The following TMEM62 variants were observed in gnomAD, a reference collection of about 807,000 sequenced individuals.
TMEM62 encodes the protein transmembrane protein 62.
TMEM62 carries 41 observed loss-of-function variants against 70.4 expected under a neutral mutation model. That is an observed-to-expected ratio of 0.58 (90% CI 0.45 to 0.76). TMEM62 has a LOEUF of 0.76. Among genes scored for constraint, TMEM62 ranks in the 30% least tolerant of loss-of-function variants. TMEM62 has a pLI of 0.00. For missense variants in TMEM62, 688 were observed against 788.5 expected (o/e 0.87, Z 1.53); for synonymous variants, 268 against 291.0 (o/e 0.92, Z 0.80).
intron 9 of TMEM62, among the ~76,000 whole-genome samples, chr15:43,155,274 A>T (rs1460549513): frequency 1.3e-5 from 2 of 152,018 alleles, no homozygotes; most frequent in African/African-American, 4.8e-5. Flanking sequence ...AGGCTGGAGG[A>T]TCGCTTGAGG....
In TMEM62 at chr15:43,180,207, C is replaced by T. The variant is rs2041197762; in HGVS notation, c.1487-974C>T. On this transcript the variant is annotated intron_variant, in intron 12 of 13. Coordinates refer to ENST00000260403, the MANE Select transcript of TMEM62 (RefSeq NM_024956.4). ...GTGCAATCTTGGCTCACTGCAGCCT[C>T]TGCCTCCTGGGTTCAAACAATTCTC... 2.6e-5 allele frequency among the ~76,000 whole-genome samples: 4 copies of T among 152,118 alleles called. No homozygotes were observed. In the South Asian group the frequency reaches 6.2e-4, roughly 24 times the overall value.
chr15:43,175,245 G>C (rs1377601167), intron 11 of TMEM62, among the ~76,000 whole-genome samples: 1 of 152,148 alleles, frequency 6.6e-6, no homozygotes, highest in African/African-American at 2.4e-5. Flanking sequence ...AGCTGAGAGA[G>C]TAACACAAAG....
chr15:43,151,334 A>G (rs1043478012), intron 7 of TMEM62, among the ~76,000 whole-genome samples: 37 of 151,840 alleles, frequency 2.4e-4, no homozygotes, highest in Admixed American at 1.2e-3. Flanking sequence ...AAAAAAAAAA[A>G]AAAGAAAGAA....
At chr15:43,161,437 CT>C (rs924174177) in intron 10 of TMEM62, among the ~76,000 whole-genome samples, 1 of 151,534 alleles carries the variant, frequency 6.6e-6, no homozygotes. Context: ...TGGGTTAAGG[CT>C]TTTTAAAGAA....
At chr15:43,171,271 G>A (rs1313950999) in intron 11 of TMEM62, among the ~76,000 whole-genome samples, 2 of 151,822 alleles carry the variant, frequency 1.3e-5, no homozygotes, top group Non-Finnish European at 2.9e-5. Context: ...GGGAGGCAGA[G>A]GTTGCAGTGA....
rs1435423607 is a variant in TMEM62, at chr15:43,146,467, A to G, written c.477-26A>G. On this transcript the variant is annotated intron_variant, in intron 4 of 13. Coordinates refer to ENST00000260403, the MANE Select transcript of TMEM62 (RefSeq NM_024956.4). Reference sequence around the variant, plus strand: ...AAAGCATTGTCTTTTTATTACACTAACACCCTCCTGTCTTCTATTTTTTAG... The same window carrying G: ...AAAGCATTGTCTTTTTATTACACTAGCACCCTCCTGTCTTCTATTTTTTAG... 6 of 1,593,352 alleles carry G rather than the reference A, an allele frequency of 3.8e-6. No individual in the cohort carries two copies. In the South Asian group the frequency reaches 6.8e-5, roughly 18 times the overall value.
At chr15:43,133,255 A>G (rs1227256377), upstream of TMEM62, 2 of 152,280 alleles carry the variant, frequency 1.3e-5, no homozygotes, top group South Asian at 2.1e-4. Context: ...AAGAAAACCT[A>G]TGGAGGTACG....
intron 4 of TMEM62, 126 bp downstream of exon 4, chr15:43,138,745 C>T (rs1385562094): frequency 2.5e-6 from 2 of 791,484 alleles, no homozygotes; most frequent in Non-Finnish European, 4.2e-6. Flanking sequence ...CGCTATTTTG[C>T]CCAGGCTAGC....
chr15:43,185,137 A>G lies in TMEM62; in HGVS notation c.*551A>G, dbSNP rs1420409831. 1.4e-5 allele frequency: 5 copies of G among 359,648 alleles called. No homozygotes were observed. Among genetic ancestry groups the G allele is most frequent in the Admixed American group, 4.5e-5 (1 of 22,326 alleles). The allele number at this position is 359,648 out of a possible 1,614,324, so 22.3% of individuals were successfully genotyped here. On this transcript the variant is annotated 3_prime_UTR_variant, in exon 14 of 14. Coordinates refer to ENST00000260403, the MANE Select transcript of TMEM62 (RefSeq NM_024956.4). Reference sequence around the variant, plus strand: ...AATCAAATAAATGAATGAATGATGAATAAGAAAGACGGTGAGCCTGAGGCT... The same window carrying G: ...AATCAAATAAATGAATGAATGATGAGTAAGAAAGACGGTGAGCCTGAGGCT...
intron 11 of TMEM62, among the ~76,000 whole-genome samples, chr15:43,174,444 G>A (rs1567235082): frequency 6.6e-6 from 1 of 152,118 alleles, no homozygotes; most frequent in Non-Finnish European, 1.5e-5. Flanking sequence ...AGTTCAAGAA[G>A]CATTATTATA....
chr15:43,151,855 C>T lies in TMEM62; in HGVS notation c.932C>T (p.Pro311Leu), dbSNP rs374498170. ...GCAGATTTGATCTTTGGGAAGTGGC[C>T]TGTGGTTCTTATCACCAATCCTAAA... The part of the protein sequence containing the change: ...SFADLIFGKW[P>L]VVLITNPKSL... The change falls in exon 8 of 14, where the codon CCT (proline) becomes CTT (leucine). Residue 311 changes from proline to leucine, a missense_variant. Physicochemically the swap from Pro to Leu is moderately conservative, Grantham distance 98. Coordinates refer to ENST00000260403, the MANE Select transcript of TMEM62 (RefSeq NM_024956.4). 7.4e-6 allele frequency: 12 copies of T among 1,613,996 alleles called. No individual in the cohort carries two copies. The highest frequency in any genetic ancestry group is 1.3e-5 in the African/African-American group (1 of 75,024).
At chr15:43,165,246 CTT>C (rs140517897) in intron 10 of TMEM62, among the ~76,000 whole-genome samples, 5 of 148,146 alleles carry the variant, frequency 3.4e-5, no homozygotes, top group Admixed American at 6.7e-5. Flanking sequence ...GTGCTTCATT[CTT>C]TTTTTTTTTC....
intron 11 of TMEM62, among the ~76,000 whole-genome samples, chr15:43,176,667 C>T (rs933200419): frequency 6.6e-6 from 1 of 151,968 alleles, no homozygotes; most frequent in African/African-American, 2.4e-5. Flanking sequence ...AGGACATCCA[C>T]ACCAAAAACC....
At chr15:43,134,714 C>T (rs533142657) in intron 2 of TMEM62, among the ~76,000 whole-genome samples, 1 of 152,278 alleles carries the variant, frequency 6.6e-6, no homozygotes, top group East Asian at 1.9e-4. Context: ...CCTGTAACCA[C>T]GAATCAGAAG....
At chr15:43,167,412 C>A (rs897270689) in intron 10 of TMEM62, among the ~76,000 whole-genome samples, 1 of 149,268 alleles carries the variant, frequency 6.7e-6, no homozygotes, top group African/African-American at 2.5e-5. Flanking sequence ...TCAGACGGGG[C>A]GGTTGCCAGG....
intron 10 of TMEM62, among the ~76,000 whole-genome samples, chr15:43,163,776 C>T (rs989974315): frequency 1.4e-4 from 12 of 85,952 alleles, no homozygotes; most frequent in Non-Finnish European, 2.7e-4. Context: ...AGCGAGACTC[C>T]GTCTCAAAAA....
Position 43,134,243 on chromosome 15 carries a change from C to G in TMEM62, c.181-14C>G. The stretch of plus-strand genomic sequence containing the variant: ...CTGGCTCAGATCTCTCTGTTCAATA[C>G]CTGTTTTCGGCAGATATCCGACATT... On this transcript the variant is annotated splice_polypyrimidine_tract_variant and intron_variant, in intron 1 of 13. Transcript: ENST00000260403. The G allele has an allele frequency of 2.5e-6, 4 of 1,611,638 alleles. No homozygotes were observed. The highest frequency in any genetic ancestry group is 3.4e-6 in the Non-Finnish European group (4 of 1,177,770).
At chr15:43,159,358 A>G (rs1172183777) in intron 9 of TMEM62, among the ~76,000 whole-genome samples, 1 of 152,142 alleles carries the variant, frequency 6.6e-6, no homozygotes, top group Non-Finnish European at 1.5e-5. Flanking sequence ...TTTTGTACTG[A>G]TTAACCATCC....
intron 13 of TMEM62, among the ~76,000 whole-genome samples, chr15:43,181,645 G>T (rs2041339498): frequency 6.6e-6 from 1 of 152,164 alleles, no homozygotes; most frequent in African/African-American, 2.4e-5. Flanking sequence ...GGGATTACAG[G>T]CATGTGCCAC....
Sources: gnomAD v4.1 joint callset for allele counts (sites outside exome capture counted in the v4.1 genomes callset) on GRCh38, gnomAD v4.1.1 for gene constraint, MANE v1.5 for transcripts, NCBI Gene and HGNC (gene_info 2026-07-23, HGNC 2026-07-21) for gene names.